KMO: variants seen among roughly 807,000 people sequenced by gnomAD.
The protein encoded by KMO is kynurenine 3-monooxygenase.
A neutral mutation model predicts 57.8 loss-of-function variants in KMO; 24 were observed. The observed-to-expected ratio is 0.42, with a 90% CI of 0.30 to 0.58. The LOEUF (loss-of-function observed/expected upper bound fraction) is 0.58, where lower values mean the gene tolerates loss of function less well. Ranked by LOEUF, KMO falls within the 20% of genes least tolerant of loss-of-function variation. The pLI, the probability that KMO is intolerant of heterozygous loss-of-function variation, is 0.22. For missense variants in KMO, 483 were observed against 588.2 expected (o/e 0.82, Z 1.85); for synonymous variants, 210 against 193.6 (o/e 1.08, Z -0.70).
At chr1:241,539,383 C>CAAAAAAAAAAAAAA (rs769776691) in intron 1 of KMO, among the ~76,000 whole-genome samples, 2 of 134,880 alleles carry the variant, frequency 1.5e-5, no homozygotes, top group African/African-American at 6.1e-5. Flanking sequence ...GACTCCGTCT[C>CAAAAAAAAAAAAAA]AAAAAAATTC....
chr1:241,584,718 T>G (rs994980595), intron 10 of KMO, among the ~76,000 whole-genome samples: 1 of 152,196 alleles, frequency 6.6e-6, no homozygotes, highest in Non-Finnish European at 1.5e-5. Flanking sequence ...ATATTCCAAG[T>G]AAAAATAGCT....
At chr1:241,560,876 G>A in intron 6 of KMO, 124 bp downstream of exon 6, 7 of 686,282 alleles carry the variant, frequency 1.0e-5, no homozygotes, top group Admixed American at 2.6e-5. Flanking sequence ...CATCCAAATA[G>A]TTTCTAGATT....
chr1:241,532,557 G>A lies in KMO; in HGVS notation c.54+59G>A, dbSNP rs370017368. 7.2e-5 allele frequency: 90 copies of A among 1,245,002 alleles called. No homozygotes were observed. In the African/African-American group the frequency reaches 8.5e-4, roughly 12 times the overall value. 77.1% of individuals were successfully genotyped at this position (1,245,002 alleles called of 1,614,324 possible). A position where few individuals can be genotyped will look rare whatever the true frequency, so the allele number is the denominator to read the frequency against. On this transcript the variant is annotated intron_variant, in intron 1 of 14. Transcript: ENST00000366559. ...GGTATTATATTAACTATTATTACTC[G>A]TAATGATTATTATTCGTCACTTCTG... is the stretch of plus-strand genomic sequence containing the variant.
chr1:241,550,257 T>G (rs1661347291), intron 3 of KMO, among the ~76,000 whole-genome samples: 3 of 152,120 alleles, frequency 2.0e-5, no homozygotes, highest in Admixed American at 2.0e-4. Context: ...CTACAGAAAT[T>G]TTGTGTTTGA....
intron 10 of KMO, among the ~76,000 whole-genome samples, chr1:241,571,147 A>T (rs962761075): frequency 3.3e-5 from 5 of 151,754 alleles, no homozygotes; most frequent in Non-Finnish European, 5.9e-5. Flanking sequence ...AACTTTACTA[A>T]ATTTGTTTAT....
intron 11 of KMO, among the ~76,000 whole-genome samples, chr1:241,588,344 T>C (rs1663099184): frequency 7.0e-6 from 1 of 143,866 alleles, no homozygotes; most frequent in Non-Finnish European, 1.5e-5. Flanking sequence ...TTTTTTTTTT[T>C]TTTTTTTTTG....
chr1:241,539,846 A>G (rs1007424658), intron 1 of KMO, among the ~76,000 whole-genome samples: 5 of 152,142 alleles, frequency 3.3e-5, no homozygotes, highest in African/African-American at 9.7e-5. Flanking sequence ...TTTATTCAAA[A>G]TTGCCCTTTG....
Position 241,546,653 on chromosome 1 carries a change from C to A in KMO, c.55-2176C>A, listed in dbSNP as rs76607904. On this transcript the variant is annotated intron_variant, in intron 1 of 14. Coordinates refer to ENST00000366559, the MANE Select transcript of KMO (RefSeq NM_003679.5). ...GTGACTCCTAGCTTTCTAGTTTGAG[C>A]AACTGGATGGATGGCATATCATTCA... 7.7e-3 allele frequency among the ~76,000 whole-genome samples: 1,164 copies of A among 152,152 alleles called. 19 individuals carry two copies. The highest frequency in any genetic ancestry group is 0.027 in the African/African-American group (1,124 of 41,518).
chr1:241,572,715 G>A (rs767525592), intron 10 of KMO, among the ~76,000 whole-genome samples: 2 of 152,010 alleles, frequency 1.3e-5, no homozygotes, highest in Non-Finnish European at 2.9e-5. Context: ...ATATAGTGGT[G>A]AAGTCTGAGA....
intron 5 of KMO, among the ~76,000 whole-genome samples, chr1:241,557,497 G>A (rs1345525160): frequency 1.3e-5 from 2 of 152,214 alleles, no homozygotes; most frequent in Non-Finnish European, 2.9e-5. Flanking sequence ...TCAACTGGGA[G>A]GAGGAGGCCT....
At chr1:241,586,395 T>G (rs1256084974) in intron 10 of KMO, among the ~76,000 whole-genome samples, 1 of 151,894 alleles carries the variant, frequency 6.6e-6, no homozygotes. Context: ...ATATGGGGTC[T>G]CATCATGTTG....
chr1:241,553,916 G>A (rs1384504712), intron 4 of KMO, among the ~76,000 whole-genome samples: 1 of 152,078 alleles, frequency 6.6e-6, no homozygotes, highest in East Asian at 1.9e-4. Context: ...AGATTTAGCT[G>A]CCAATGTATA....
Position 241,593,303 on chromosome 1 carries a change from C to A in KMO, c.*1150C>A. On this transcript the variant is annotated 3_prime_UTR_variant, in exon 15 of 15. Transcript: ENST00000366559. ...ACATACTGCAGCAGAACCAGCAATA[C>A]ACTTGATTTTTAAAAGCACATTTAG... 2.5e-6 allele frequency: 1 copy of A among 402,032 alleles called. No homozygotes were observed. The highest frequency in any genetic ancestry group is 1.8e-5 in the South Asian group (1 of 54,436). 24.9% of individuals were successfully genotyped at this position (402,032 alleles called of 1,614,324 possible). A position where few individuals can be genotyped will look rare whatever the true frequency, so the allele number is the denominator to read the frequency against.
intron 7 of KMO, among the ~76,000 whole-genome samples, chr1:241,562,943 C>CGGGAA (rs71174818): frequency 1.3e-5 from 1 of 76,686 alleles, no homozygotes; most frequent in Non-Finnish European, 3.3e-5. Flanking sequence ...AGGAAGGAGA[C>CGGGAA]GGGAAGGGAA....
intron 1 of KMO, among the ~76,000 whole-genome samples, chr1:241,538,391 C>T (rs953842540): frequency 1.3e-5 from 2 of 152,116 alleles, no homozygotes; most frequent in Admixed American, 6.6e-5. Flanking sequence ...AGTAGTTTAA[C>T]TTGGGTAAGA....
intron 3 of KMO, among the ~76,000 whole-genome samples, 161 bp from the exon 4 acceptor site, chr1:241,550,794 T>C (rs115652770): frequency 2.1e-3 from 325 of 152,338 alleles, no homozygotes; most frequent in African/African-American, 7.4e-3. Context: ...GATCACCATT[T>C]TCATTGAAGG....
intron 1 of KMO, among the ~76,000 whole-genome samples, chr1:241,545,655 T>C (rs1661120070): frequency 1.3e-5 from 2 of 152,176 alleles, no homozygotes. Context: ...TGTCACATTC[T>C]TACAGTACTG....
chr1:241,542,086 T>A (rs1660978696), intron 1 of KMO, among the ~76,000 whole-genome samples: 1 of 152,178 alleles, frequency 6.6e-6, no homozygotes, highest in Non-Finnish European at 1.5e-5. Flanking sequence ...GGATCACAGT[T>A]TTTCCCTTTC....
chr1:241,540,567 T>C (rs948956223), intron 1 of KMO, among the ~76,000 whole-genome samples: 1 of 152,068 alleles, frequency 6.6e-6, no homozygotes, highest in African/African-American at 2.4e-5. Flanking sequence ...ATATAGTAAA[T>C]TTAGTATGCC....
Sources: gnomAD v4.1 joint callset for allele counts (sites outside exome capture counted in the v4.1 genomes callset) on GRCh38, gnomAD v4.1.1 for gene constraint, MANE v1.5 for transcripts, NCBI Gene and HGNC (gene_info 2026-07-23, HGNC 2026-07-21) for gene names.